Variants in EIPR1 observed in about 807,000 individuals in gnomAD.
EIPR1 encodes EARP complex and GARP complex interacting protein 1, also known as EARP and GARP complex-interacting protein 1.
A neutral mutation model predicts 48.1 loss-of-function variants in EIPR1; 25 were observed. The observed-to-expected ratio is 0.52, with a 90% CI of 0.38 to 0.73. The LOEUF (loss-of-function observed/expected upper bound fraction) is 0.73. EIPR1 is among the 30% of genes least tolerant of loss of function. The probability of loss-of-function intolerance (pLI) is 0.00; values close to 1 mark genes in which losing one functional copy is unlikely to be tolerated. For missense variants in EIPR1, 415 were observed against 506.2 expected, an observed-to-expected ratio of 0.82 and a Z score of 1.73; for synonymous variants, 204 against 201.9, an observed-to-expected ratio of 1.01 and a Z score of -0.09.
At chr2:3,259,903 A>G (rs902860232) in intron 3 of EIPR1, among the ~76,000 whole-genome samples, 1 of 152,240 alleles carries the variant, frequency 6.6e-6, no homozygotes, top group African/African-American at 2.4e-5. Flanking sequence ...ATCCTACCTC[A>G]TAACATACTC....
At chr2:3,190,385 A>G (rs1664563672) in intron 8 of EIPR1, among the ~76,000 whole-genome samples, 1 of 152,226 alleles carries the variant, frequency 6.6e-6, no homozygotes, top group Non-Finnish European at 1.5e-5. Flanking sequence ...CGGACCCTCC[A>G]GAACTCGCAT....
intron 5 of EIPR1, among the ~76,000 whole-genome samples, chr2:3,211,789 C>A (rs1426775899): frequency 6.6e-6 from 1 of 152,216 alleles, no homozygotes; most frequent in African/African-American, 2.4e-5. Flanking sequence ...CTCGCTCCGC[C>A]ACTGTCGGCT....
At chr2:3,269,651 ACACT>A (rs1395114194) in intron 3 of EIPR1, among the ~76,000 whole-genome samples, 1 of 139,126 alleles carries the variant, frequency 7.2e-6, no homozygotes, top group Non-Finnish European at 1.6e-5. Flanking sequence ...CTCAATCATC[ACACT>A]CAATCATCAC....
chr2:3,227,640 G>C (rs187580470), intron 4 of EIPR1, among the ~76,000 whole-genome samples: 31 of 152,332 alleles, frequency 2.0e-4, no homozygotes, highest in Admixed American at 1.5e-3. Flanking sequence ...ATTTCTCCAG[G>C]GCATGTCAGA....
chr2:3,334,938 C>T (rs185623311), intron 3 of EIPR1, among the ~76,000 whole-genome samples: 1 of 152,364 alleles, frequency 6.6e-6, no homozygotes, highest in East Asian at 1.9e-4. Context: ...AATCAACTTA[C>T]ACCTGTGGAC....
At chr2:3,216,481 G>A (rs1049190279) in intron 4 of EIPR1, among the ~76,000 whole-genome samples, 1 of 148,020 alleles carries the variant, frequency 6.8e-6, no homozygotes, top group African/African-American at 2.5e-5. Context: ...CAGAAAGGCA[G>A]AGATTCCCTT....
At chr2:3,313,147 G>A (rs1669178559) in intron 3 of EIPR1, among the ~76,000 whole-genome samples, 1 of 152,188 alleles carries the variant, frequency 6.6e-6, no homozygotes, top group South Asian at 2.1e-4. Context: ...AAGCTGCGAT[G>A]AGGGCTGCAC....
intron 4 of EIPR1, among the ~76,000 whole-genome samples, chr2:3,219,577 T>G (rs1665794693): frequency 6.7e-6 from 1 of 149,960 alleles, no homozygotes. Flanking sequence ...GTGAGTCAGG[T>G]GCACACCAAG....
In EIPR1 at chr2:3,312,659, G is replaced by C. The variant is rs1669164368; in HGVS notation, c.259+25358C>G. Among the ~76,000 whole-genome samples, 2 of 152,192 alleles carry C rather than the reference G, an allele frequency of 1.3e-5. No individual in the cohort carries two copies. On this transcript the variant is annotated intron_variant, in intron 3 of 8. Transcript: ENST00000382125. The surrounding 1 kb of genome is among the most constrained non-coding windows in gnomAD (Gnocchi z 5.5). The stretch of plus-strand genomic sequence containing the variant: ...GGACCCACGATGCCACTGCCTCTGT[G>C]CTCAGGGGATAACGGCGGGGTGGGG...
chr2:3,351,902 C>A (rs138130479), intron 2 of EIPR1, among the ~76,000 whole-genome samples: 1 of 152,218 alleles, frequency 6.6e-6, no homozygotes, highest in Admixed American at 6.5e-5. Flanking sequence ...AAATCACATA[C>A]CATTCTGAGT....
intron 3 of EIPR1, among the ~76,000 whole-genome samples, chr2:3,306,932 T>C (rs1437539633): frequency 6.6e-6 from 1 of 152,162 alleles, no homozygotes; most frequent in East Asian, 1.9e-4. Flanking sequence ...TGTACATAAA[T>C]ATACGGTTTC....
chr2:3,240,983 A>G (rs1038179912), intron 4 of EIPR1, among the ~76,000 whole-genome samples: 5 of 112,224 alleles, frequency 4.5e-5, no homozygotes, highest in East Asian at 2.9e-4. Context: ...AAGCCAGCAG[A>G]TCCCTCCTAA....
chr2:3,275,972 A>C (rs532292167), intron 3 of EIPR1, among the ~76,000 whole-genome samples: 1 of 152,356 alleles, frequency 6.6e-6, no homozygotes, highest in African/African-American at 2.4e-5. Flanking sequence ...CTTTGGACTC[A>C]AAGTCGACTG....
In EIPR1 at chr2:3,337,959, T is replaced by C. The variant is rs1670116287; in HGVS notation, c.259+58A>G. The C allele has an allele frequency of 2.6e-6, 4 of 1,544,894 alleles. No individual in the cohort carries two copies. In the Admixed American group the frequency reaches 9.1e-5, roughly 35 times the overall value. On this transcript the variant is annotated intron_variant, in intron 3 of 8. Coordinates refer to ENST00000382125, the MANE Select transcript of EIPR1 (RefSeq NM_003310.5). ...ACCCATTAGCAATACAAAACCCGTC[T>C]TAGGAAATACCTCCAGTTACCTCCA...
intron 5 of EIPR1, chr2:3,208,313 A>G: frequency 3.2e-6 from 2 of 633,760 alleles, no homozygotes; most frequent in Non-Finnish European, 5.3e-6. Context: ...AGGACAGGAG[A>G]GGTCTGGGCA....
chr2:3,331,103 AGGCACACACTCCTGAGGT>A lies in EIPR1; in HGVS notation c.259+6896_259+6913del, dbSNP rs1405102355. Among the ~76,000 whole-genome samples, 973 of 136,366 alleles carry A rather than the reference AGGCACACACTCCTGAGGT, an allele frequency of 7.1e-3. 124 individuals carry two copies. Among genetic ancestry groups the A allele is most frequent in the East Asian group, 9.8e-3 (44 of 4,508 alleles). 89.5% of individuals were successfully genotyped at this position (136,366 alleles called of 152,430 possible). ...CTCATGAGATGGTGTGAGCAGAGGC[AGGCACACACTCCTGAGGT>A]GGTGTGAGCAGAAGCAGGCGTGTGC... On this transcript the variant is annotated intron_variant, in intron 3 of 8. Transcript: ENST00000382125.
chr2:3,236,615 C>G (rs1666413472), intron 4 of EIPR1, among the ~76,000 whole-genome samples: 1 of 152,160 alleles, frequency 6.6e-6, no homozygotes, highest in South Asian at 2.1e-4. Flanking sequence ...GGACAGGATC[C>G]CAGAGGGCCA....
chr2:3,316,808 C>A (rs1669316230), intron 3 of EIPR1, among the ~76,000 whole-genome samples: 1 of 152,256 alleles, frequency 6.6e-6, no homozygotes, highest in Non-Finnish European at 1.5e-5. Context: ...TGACCTGGTC[C>A]ACACCTTCCC....
At chr2:3,353,143 C>G (rs1670629219) in intron 2 of EIPR1, 2 of 430,998 alleles carry the variant, frequency 4.6e-6, no homozygotes, top group Middle Eastern at 3.4e-4. Context: ...TAACTTATAC[C>G]TTAAACTTTA....
Sources: allele counts gnomAD v4.1 joint callset (sites outside exome capture counted in the v4.1 genomes callset), GRCh38; gene constraint gnomAD v4.1.1; non-coding constraint Gnocchi (gnomAD v3.1); transcripts MANE v1.5; gene names NCBI Gene and HGNC (gene_info 2026-07-23, HGNC 2026-07-21).